REDIC1: variants seen among roughly 807,000 people sequenced by gnomAD.
The protein encoded by REDIC1 is HEI10 Interacting Protein 1.
the REDIC1 span, among the ~76,000 whole-genome samples, chr12:39,627,087 A>G: frequency 2.0e-5 from 3 of 152,112 alleles, no homozygotes; most frequent in Admixed American, 6.5e-5. Flanking sequence ...ATTACATGTA[A>G]TTTTTTTGTC....
chr12:39,667,051 TG>T, the REDIC1 span, among the ~76,000 whole-genome samples: 5 of 150,008 alleles, frequency 3.3e-5, no homozygotes, highest in African/African-American at 1.2e-4. Flanking sequence ...AAGGGTTTTT[TG>T]TGTCTCTATT....
chr12:39,682,846 T>C, the REDIC1 span: 2 of 1,612,432 alleles, frequency 1.2e-6, no homozygotes, highest in East Asian at 4.5e-5. Context: ...GATCAATGTA[T>C]TAAACATAGA....
the REDIC1 span, chr12:39,682,676 C>T: frequency 1.3e-5 from 21 of 1,610,488 alleles, no homozygotes; most frequent in Middle Eastern, 3.3e-4. Context: ...TGTAGAAGCA[C>T]GGATGAAATA....
the REDIC1 span, among the ~76,000 whole-genome samples, chr12:39,751,848 A>G: frequency 6.6e-6 from 1 of 152,174 alleles, no homozygotes; most frequent in Non-Finnish European, 1.5e-5. Context: ...TGGGAATTGA[A>G]CAATGAGAAC....
chr12:39,874,573 C>T, the REDIC1 span, among the ~76,000 whole-genome samples: 2 of 147,346 alleles, frequency 1.4e-5, no homozygotes, highest in Non-Finnish European at 3.0e-5. Flanking sequence ...CAAGATCACA[C>T]CATTGCACTC....
the REDIC1 span, among the ~76,000 whole-genome samples, chr12:39,815,302 A>G: frequency 6.6e-6 from 1 of 152,238 alleles, no homozygotes. Flanking sequence ...TGTGAGCTGT[A>G]CTGGATATGG....
the REDIC1 span, among the ~76,000 whole-genome samples, chr12:39,833,989 CAAG>C: frequency 6.6e-6 from 1 of 151,716 alleles, no homozygotes. Context: ...ATCCAGAGGC[CAAG>C]AAGAATCTGA....
the REDIC1 span, among the ~76,000 whole-genome samples, chr12:39,712,594 T>A: frequency 6.9e-6 from 1 of 145,038 alleles, no homozygotes; most frequent in African/African-American, 2.5e-5. Flanking sequence ...TATATACGTA[T>A]ATACATATAT....
the REDIC1 span, among the ~76,000 whole-genome samples, chr12:39,848,702 C>T: frequency 2.0e-5 from 3 of 152,210 alleles, no homozygotes; most frequent in Admixed American, 2.0e-4. Context: ...AAGCATTCTA[C>T]CATAAAGACA....
the REDIC1 span, among the ~76,000 whole-genome samples, chr12:39,747,183 G>T: frequency 6.6e-6 from 1 of 152,154 alleles, no homozygotes; most frequent in African/African-American, 2.4e-5. Flanking sequence ...CTTGAAAAAA[G>T]ATTAGATGAA....
the REDIC1 span, among the ~76,000 whole-genome samples, chr12:39,689,337 A>G: frequency 2.6e-5 from 4 of 152,194 alleles, no homozygotes; most frequent in Non-Finnish European, 4.4e-5. Context: ...GGCATTATAC[A>G]TTTTGTGATA....
chr12:39,666,701 T>A, the REDIC1 span, among the ~76,000 whole-genome samples: 1 of 152,124 alleles, frequency 6.6e-6, no homozygotes. Context: ...GGTCCTGGAC[T>A]TGTTTTGGTT....
chr12:39,898,361 T>C, the REDIC1 span, among the ~76,000 whole-genome samples: 1 of 152,064 alleles, frequency 6.6e-6, no homozygotes, highest in Admixed American at 6.6e-5. Flanking sequence ...TATGATACAA[T>C]GGGAATGTTT....
At chr12:39,871,225 TA>T in the REDIC1 span, among the ~76,000 whole-genome samples, 6 of 151,862 alleles carry the variant, frequency 4.0e-5, no homozygotes, top group Non-Finnish European at 7.4e-5. Flanking sequence ...ACTTGGGAAT[TA>T]AAAAAAAGGT....
the REDIC1 span, among the ~76,000 whole-genome samples, chr12:39,879,959 G>T: frequency 6.6e-6 from 1 of 152,114 alleles, no homozygotes; most frequent in Non-Finnish European, 1.5e-5. Context: ...TCATGGGGTG[G>T]ATCCTTCATG....
At chr12:39,741,376 G>T in the REDIC1 span, among the ~76,000 whole-genome samples, 1 of 152,126 alleles carries the variant, frequency 6.6e-6, no homozygotes, top group East Asian at 1.9e-4. Flanking sequence ...ACCAACCTGA[G>T]CATCATCTTG....
At chr12:39,657,130 C>T in the REDIC1 span, among the ~76,000 whole-genome samples, 1 of 152,228 alleles carries the variant, frequency 6.6e-6, no homozygotes, top group Non-Finnish European at 1.5e-5. Context: ...ATCCTGCAAG[C>T]TCCATTCATG....
the REDIC1 span, among the ~76,000 whole-genome samples, chr12:39,852,821 G>A: frequency 3.3e-5 from 5 of 152,104 alleles, no homozygotes; most frequent in African/African-American, 7.2e-5. Context: ...TTTGCATAGC[G>A]GTATAACTTT....
the REDIC1 span, among the ~76,000 whole-genome samples, chr12:39,696,566 A>T: frequency 2.8e-5 from 4 of 143,236 alleles, no homozygotes; most frequent in African/African-American, 5.3e-5. Flanking sequence ...AAAAAAAAAA[A>T]AAAAAAAAAA....
Sources: allele counts gnomAD v4.1 joint callset (sites outside exome capture counted in the v4.1 genomes callset), GRCh38; gene constraint gnomAD v4.1.1; transcripts MANE v1.5; gene names NCBI Gene and HGNC (gene_info 2026-07-23, HGNC 2026-07-21).